The following TENM2 variants were observed in gnomAD, a reference collection of about 807,000 sequenced individuals.
The protein encoded by TENM2 is teneurin-2.
A neutral mutation model predicts 245.2 loss-of-function variants in TENM2; 52 were observed. The ratio of observed to expected loss-of-function variants is 0.21; its 90% CI spans 0.17 to 0.27. TENM2 has a LOEUF of 0.27. TENM2 is among the 10% of genes least tolerant of loss of function. The probability of loss-of-function intolerance (pLI) is 1.00; values close to 1 mark genes in which losing one functional copy is unlikely to be tolerated. For synonymous variants in TENM2, 1,363 were observed against 1,438.9 expected, an observed-to-expected ratio of 0.95 and a Z score of 1.19; for missense variants, 3,046 against 3,666.8, an observed-to-expected ratio of 0.83 and a Z score of 4.37.
intron 2 of TENM2, among the ~76,000 whole-genome samples, chr5:167,684,182 T>C (rs112278703): frequency 5.3e-5 from 8 of 152,350 alleles, no homozygotes; most frequent in African/African-American, 1.7e-4. Flanking sequence ...TAATACCCAC[T>C]GGGTGCTTTT....
chr5:167,740,401 T>C (rs1761099105), intron 2 of TENM2, among the ~76,000 whole-genome samples: 1 of 152,202 alleles, frequency 6.6e-6, no homozygotes, highest in Non-Finnish European at 1.5e-5. Flanking sequence ...CCAGAACTGA[T>C]AGAATGCTTC....
At chr5:167,947,698 A>T (rs573174227) in intron 3 of TENM2, among the ~76,000 whole-genome samples, 1 of 152,152 alleles carries the variant, frequency 6.6e-6, no homozygotes, top group Non-Finnish European at 1.5e-5. Flanking sequence ...TTAAATTGCT[A>T]TTGAGATGTA....
chr5:167,664,946 T>C (rs1044503437), intron 2 of TENM2, among the ~76,000 whole-genome samples: 3 of 152,206 alleles, frequency 2.0e-5, no homozygotes, highest in Non-Finnish European at 4.4e-5. Flanking sequence ...ATTGATCTTA[T>C]ACTAGTCAGG....
At chr5:167,730,096 A>G (rs946263605) in intron 2 of TENM2, among the ~76,000 whole-genome samples, 4 of 152,184 alleles carry the variant, frequency 2.6e-5, no homozygotes, top group African/African-American at 9.7e-5. Flanking sequence ...CCACGAAACC[A>G]TCTAAAAATC....
At chr5:167,062,503 G>A in the TENM2 span, among the ~76,000 whole-genome samples, 1 of 149,608 alleles carries the variant, frequency 6.7e-6, no homozygotes. Context: ...AATACACATT[G>A]AAAAAAAAAA....
At chr5:168,008,659 GAC>G (rs1415006119) in intron 5 of TENM2, among the ~76,000 whole-genome samples, 5 of 152,150 alleles carry the variant, frequency 3.3e-5, no homozygotes, top group African/African-American at 9.7e-5. Context: ...TCAAAGAAAA[GAC>G]AGATTTGTGA....
rs149433527 is a variant in TENM2, at chr5:168,170,127, G to A, written c.2569+7370G>A. ...TTGAAATAAGATCTTTGACTTCCTG[G>A]GCATATTTGACTAGAGAATCTTCTG... On this transcript the variant is annotated intron_variant, in intron 13 of 28. Coordinates refer to ENST00000518659, the Ensembl canonical transcript of TENM2. 5.9e-5 allele frequency among the ~76,000 whole-genome samples: 9 copies of A among 152,224 alleles called. No individual in the cohort carries two copies. In the East Asian group the frequency reaches 1.7e-3, roughly 29 times the overall value.
At chr5:168,135,245 C>T (rs1247123547) in intron 12 of TENM2, among the ~76,000 whole-genome samples, 1 of 152,150 alleles carries the variant, frequency 6.6e-6, no homozygotes, top group Non-Finnish European at 1.5e-5. Flanking sequence ...GGATTCGTTG[C>T]AATTTTTTGG....
Position 168,247,487 on chromosome 5 carries a change from G to C in TENM2, c.6548G>C (p.Gly2183Ala), listed in dbSNP as rs1311562615. The C allele has an allele frequency of 1.2e-6, 2 of 1,612,614 alleles. No individual in the cohort carries two copies. The highest frequency in any genetic ancestry group is 1.7e-6 in the Non-Finnish European group (2 of 1,178,906). The change falls in exon 27 of 29, where the codon GGC (glycine) becomes GCC (alanine). Residue 2183 changes from glycine to alanine, a missense_variant. By Grantham distance (60) the Gly-to-Ala change is moderately conservative. This residue lies in a region of TENM2 where 2,704 missense variants were observed against 3,331.9 expected (regional missense o/e 0.81). Transcript: ENST00000518659. The surrounding 1 kb of genome is among the most constrained non-coding windows in gnomAD (Gnocchi z 7.8). ...ATGACGGTGCAATATGACAGCATGG[G>C]CAGGGTGATCAAGAGGGAGCTAAAA...
intron 13 of TENM2, among the ~76,000 whole-genome samples, chr5:168,177,785 C>T (rs1175292280): frequency 6.6e-6 from 1 of 152,160 alleles, no homozygotes; most frequent in Admixed American, 6.5e-5. Context: ...TGCAGTGAGC[C>T]AAGATTGCAC....
At chr5:168,108,895 G>A (rs1290562407) in intron 9 of TENM2, among the ~76,000 whole-genome samples, 1 of 152,166 alleles carries the variant, frequency 6.6e-6, no homozygotes, top group Non-Finnish European at 1.5e-5. Flanking sequence ...CCCTCCCTGA[G>A]GGTAGCTGGT....
At chr5:167,942,469 A>G (rs1436968190) in intron 3 of TENM2, among the ~76,000 whole-genome samples, 3 of 152,144 alleles carry the variant, frequency 2.0e-5, no homozygotes, top group Non-Finnish European at 4.4e-5. Context: ...TCAAGACTGA[A>G]AAGGCCCTAG....
At chr5:168,213,313 A>C (rs910903707) in intron 20 of TENM2, among the ~76,000 whole-genome samples, 2 of 152,340 alleles carry the variant, frequency 1.3e-5, no homozygotes, top group East Asian at 3.9e-4. Flanking sequence ...CGGGAATGAA[A>C]GACCATCTCA....
chr5:168,106,142 G>T (rs536196676), intron 9 of TENM2, among the ~76,000 whole-genome samples: 2 of 152,264 alleles, frequency 1.3e-5, no homozygotes, highest in South Asian at 4.1e-4. Context: ...TCCTGCTGCT[G>T]AACAGCTGTC....
intron 2 of TENM2, among the ~76,000 whole-genome samples, chr5:167,398,455 G>T (rs1762196141): frequency 7.3e-6 from 1 of 136,828 alleles, no homozygotes; most frequent in Admixed American, 7.8e-5. Context: ...TTTTGAGACA[G>T]GGTCTTGCTC....
chr5:167,000,849 G>A, the TENM2 span, among the ~76,000 whole-genome samples: 3 of 152,098 alleles, frequency 2.0e-5, no homozygotes, highest in African/African-American at 7.2e-5. Flanking sequence ...AGTTTAAAAC[G>A]TTTCGTAATT....
chr5:167,115,286 T>C, the TENM2 span, among the ~76,000 whole-genome samples: 9 of 152,222 alleles, frequency 5.9e-5, 2 homozygotes, highest in South Asian at 1.9e-3. Flanking sequence ...AGGGGAGAAA[T>C]TTCCAATTCA....
chr5:167,760,579 G>T (rs1177393842), intron 2 of TENM2, among the ~76,000 whole-genome samples: 1 of 152,174 alleles, frequency 6.6e-6, no homozygotes, highest in Non-Finnish European at 1.5e-5. Flanking sequence ...TGGACAGCCA[G>T]TTTGATTTAG....
chr5:167,929,461 C>A (rs546646898), intron 3 of TENM2, among the ~76,000 whole-genome samples: 38 of 152,278 alleles, frequency 2.5e-4, no homozygotes, highest in African/African-American at 8.4e-4. Context: ...GAATACCCTG[C>A]ACATTCCCTT....
Sources: allele counts gnomAD v4.1 joint callset (sites outside exome capture counted in the v4.1 genomes callset), GRCh38; gene constraint gnomAD v4.1.1; regional missense constraint gnomAD v4.1.1; non-coding constraint Gnocchi (gnomAD v3.1); transcripts MANE v1.5; gene names NCBI Gene and HGNC (gene_info 2026-07-23, HGNC 2026-07-21).